The following ST6GALNAC5 variants were observed in gnomAD, a reference collection of about 807,000 sequenced individuals.
ST6GALNAC5 encodes the protein alpha-N-acetylgalactosaminide alpha-2,6-sialyltransferase 5.
ST6GALNAC5 carries 27 observed loss-of-function variants against 33.6 expected under a neutral mutation model. The observed-to-expected ratio is 0.80, with a 90% CI of 0.59 to 1.11. The LOEUF is 1.11. Among genes scored for constraint, ST6GALNAC5 ranks in the 50% least tolerant of loss-of-function variants. The pLI is 0.00. For synonymous variants in ST6GALNAC5, 194 were observed against 171.2 expected, an observed-to-expected ratio of 1.13 and a Z score of -1.04; for missense variants, 428 against 454.0, an observed-to-expected ratio of 0.94 and a Z score of 0.52.
intron 2 of ST6GALNAC5, among the ~76,000 whole-genome samples, chr1:76,903,179 T>C (rs1646834404): frequency 2.0e-5 from 3 of 152,086 alleles, no homozygotes; most frequent in Admixed American, 1.3e-4. Flanking sequence ...TAAAGACCCA[T>C]ACAACTCAAT....
At chr1:76,976,331 T>C (rs1253494171) in intron 2 of ST6GALNAC5, among the ~76,000 whole-genome samples, 1 of 152,212 alleles carries the variant, frequency 6.6e-6, no homozygotes, top group Non-Finnish European at 1.5e-5. Context: ...TATTTGCTTA[T>C]AATTTATTTA....
intron 2 of ST6GALNAC5, among the ~76,000 whole-genome samples, chr1:76,886,761 T>A (rs1458078370): frequency 2.6e-5 from 4 of 152,218 alleles, no homozygotes; most frequent in Non-Finnish European, 4.4e-5. Context: ...CTCTATGAAT[T>A]TGGCTGTTCT....
rs906827157 is a variant in ST6GALNAC5, at chr1:77,042,996, C to T, written c.262-1208C>T. ...GAAGTTGGCTGCCCTCGGGTGCTCT[C>T]AGTGTAGTTCTGAAGACACAGCCAT... On this transcript the variant is annotated intron_variant, in intron 2 of 4. Coordinates refer to ENST00000477717, the MANE Select transcript of ST6GALNAC5 (RefSeq NM_030965.3). Among the ~76,000 whole-genome samples, 4 of 152,148 alleles carry T rather than the reference C, an allele frequency of 2.6e-5. No individual in the cohort carries two copies. The South Asian group carries it at 8.3e-4, about 31-fold the overall frequency.
intron 2 of ST6GALNAC5, among the ~76,000 whole-genome samples, chr1:76,981,366 C>A (rs1649245407): frequency 6.6e-6 from 1 of 152,176 alleles, no homozygotes; most frequent in South Asian, 2.1e-4. Context: ...GGTCCCACAC[C>A]CATAGAGCCT....
chr1:76,952,986 TA>T (rs1324603886), intron 2 of ST6GALNAC5, among the ~76,000 whole-genome samples: 1 of 152,088 alleles, frequency 6.6e-6, no homozygotes, highest in Non-Finnish European at 1.5e-5. Context: ...CTAAGAATAA[TA>T]CCCTAGTTTC....
At chr1:76,881,671 A>G (rs1381515588) in intron 2 of ST6GALNAC5, among the ~76,000 whole-genome samples, 1 of 152,168 alleles carries the variant, frequency 6.6e-6, no homozygotes, top group African/African-American at 2.4e-5. Flanking sequence ...ATATCTACAT[A>G]AAGATTTTGT....
intron 2 of ST6GALNAC5, among the ~76,000 whole-genome samples, chr1:77,040,319 T>C (rs1416295508): frequency 1.3e-5 from 2 of 152,250 alleles, no homozygotes; most frequent in Non-Finnish European, 1.5e-5. Flanking sequence ...TAAGGCATAC[T>C]TCAGACTTCG....
chr1:76,986,840 A>G (rs930018674), intron 2 of ST6GALNAC5, among the ~76,000 whole-genome samples: 3 of 151,900 alleles, frequency 2.0e-5, no homozygotes, highest in Non-Finnish European at 4.4e-5. Context: ...CCATAAAAAA[A>G]TAAAGGATGA....
intron 2 of ST6GALNAC5, among the ~76,000 whole-genome samples, chr1:76,970,160 G>T (rs1648686531): frequency 6.6e-6 from 1 of 152,080 alleles, no homozygotes; most frequent in Non-Finnish European, 1.5e-5. Flanking sequence ...CCAAAGGATT[G>T]CAGCCCCTCG....
rs563107272 is a variant in ST6GALNAC5, at chr1:77,057,025, C to G, written c.780-5950C>G. ...CAATGCCTCATAGTGTCACCAAGCC[C>G]CCAGAGCAAGCCAATTGCAGAACAA... On this transcript the variant is annotated intron_variant, in intron 4 of 4. Transcript: ENST00000477717. 2.0e-5 allele frequency among the ~76,000 whole-genome samples: 3 copies of G among 152,292 alleles called. No homozygotes were observed. In the South Asian group the frequency reaches 6.2e-4, roughly 32 times the overall value.
intron 2 of ST6GALNAC5, among the ~76,000 whole-genome samples, chr1:76,924,500 C>T (rs767968639): frequency 2.3e-4 from 35 of 152,150 alleles, no homozygotes; most frequent in Non-Finnish European, 4.4e-4. Context: ...GATACCAAGG[C>T]ATTTAATATA....
At chr1:76,934,120 A>C (rs182971192) in intron 2 of ST6GALNAC5, among the ~76,000 whole-genome samples, 30 of 152,142 alleles carry the variant, frequency 2.0e-4, no homozygotes, top group African/African-American at 6.5e-4. Flanking sequence ...AACATCTTTG[A>C]GTGACAGGCT....
chr1:77,007,210 C>A (rs1239221805), intron 2 of ST6GALNAC5, among the ~76,000 whole-genome samples: 1 of 152,148 alleles, frequency 6.6e-6, no homozygotes, highest in Non-Finnish European at 1.5e-5. Context: ...CTGCTTGATT[C>A]AGTATTCTGA....
chr1:76,933,698 C>A (rs1199712929), intron 2 of ST6GALNAC5, among the ~76,000 whole-genome samples: 1 of 145,478 alleles, frequency 6.9e-6, no homozygotes, highest in African/African-American at 2.6e-5. Flanking sequence ...TCTGTGAACC[C>A]GGGAGAAGAG....
At chr1:76,950,720 G>A (rs1201168511) in intron 2 of ST6GALNAC5, among the ~76,000 whole-genome samples, 1 of 152,082 alleles carries the variant, frequency 6.6e-6, no homozygotes, top group East Asian at 1.9e-4. Context: ...GAAAGACAAG[G>A]GTAGAGGTAA....
Position 76,936,953 on chromosome 1 carries a change from GGTGTGTGTGTGTGT to G in ST6GALNAC5, c.261+68234_261+68247del, listed in dbSNP as rs34309736. On this transcript the variant is annotated intron_variant, in intron 2 of 4. Coordinates refer to ENST00000477717, the MANE Select transcript of ST6GALNAC5 (RefSeq NM_030965.3). ...AGTCAGGAGACTGGAAGAGAAGCAG[GGTGTGTGTGTGTGT>G]GTGTGTGTGTGTGTGTGTGTGTATG... 4.1e-3 allele frequency among the ~76,000 whole-genome samples: 571 copies of G among 140,042 alleles called. 7 individuals are homozygous for G. Among genetic ancestry groups the G allele is most frequent in the African/African-American group, 0.014 (544 of 37,788 alleles). 91.9% of individuals were successfully genotyped at this position (140,042 alleles called of 152,430 possible).
chr1:77,030,156 T>C (rs1236454495), intron 2 of ST6GALNAC5, among the ~76,000 whole-genome samples: 2 of 152,248 alleles, frequency 1.3e-5, no homozygotes, highest in African/African-American at 4.8e-5. Flanking sequence ...ATTTTTATTA[T>C]TTACTAACCC....
intron 2 of ST6GALNAC5, among the ~76,000 whole-genome samples, chr1:76,919,249 G>T (rs1647007661): frequency 6.6e-6 from 1 of 152,082 alleles, no homozygotes; most frequent in Non-Finnish European, 1.5e-5. Context: ...CCTCAGCCTG[G>T]CTCAGACAGT....
intron 2 of ST6GALNAC5, among the ~76,000 whole-genome samples, chr1:77,039,419 T>G (rs1244421691): frequency 6.6e-6 from 1 of 152,200 alleles, no homozygotes; most frequent in Non-Finnish European, 1.5e-5. Flanking sequence ...CAGTGGCAAA[T>G]GGCCACAGCC....
Sources: gnomAD v4.1 joint callset for allele counts (sites outside exome capture counted in the v4.1 genomes callset) on GRCh38, gnomAD v4.1.1 for gene constraint, MANE v1.5 for transcripts, NCBI Gene and HGNC (gene_info 2026-07-23, HGNC 2026-07-21) for gene names.